Variants in CDK20 observed in about 807,000 individuals in gnomAD.
CDK20 encodes the protein cyclin-dependent kinase 20.
CDK20 carries 40 observed loss-of-function variants against 38.6 expected under a neutral mutation model. That is an observed-to-expected ratio of 1.04 (90% CI 0.81 to 1.35). The LOEUF is 1.35. Ranked by LOEUF, CDK20 falls within the 40% of genes most tolerant of loss-of-function variation. The pLI is 0.00. For synonymous variants in CDK20, 209 were observed against 185.7 expected (o/e 1.13, Z -1.02); for missense variants, 512 against 452.6 (o/e 1.13, Z -1.19).
In CDK20 at chr9:87,969,226, A is replaced by G. The variant is rs756406227; in HGVS notation, c.811T>C (p.Tyr271His). Residue 271 changes from tyrosine to histidine, a missense_variant, in exon 7 of 8, where the codon TAC becomes CAC. By Grantham distance (83) the Tyr-to-His change is moderately conservative. Transcript: ENST00000325303. ...GCTGCGATGCGCTGGTGAGGAGGGT[A>G]GAGAAGGAATTGACCCAGCAGATCC... ...ALDLLGQFLL[Y>H]PPHQRIAASK... The G allele has an allele frequency of 6.2e-7, 1 of 1,614,024 alleles. No individual in the cohort carries two copies. The highest frequency in any genetic ancestry group is 1.7e-4 in the Middle Eastern group (1 of 6,060).
rs1279856968 is a variant in CDK20 at position 87,969,250 on chromosome 9, C to G, written c.787G>C (p.Asp263His). 1.9e-6 allele frequency: 3 copies of G among 1,613,954 alleles called. No individual in the cohort carries two copies. The East Asian group carries it at 6.7e-5, about 36-fold the overall frequency. ...VLPDVSPQAL[D>H]LLGQFLLYPP... is the part of the protein sequence containing the mutation. ...TAGAGAAGGAATTGACCCAGCAGAT[C>G]CAATGCCTGGGGAGAGACGTCAGGC... The change falls in exon 7 of 8, where the codon GAT (aspartate) becomes CAT (histidine). Residue 263 changes from aspartate (D) to histidine (H), a missense_variant. Transcript: ENST00000325303.
At chr9:87,971,986 T>C (rs1025019247) in intron 2 of CDK20, among the ~76,000 whole-genome samples, 2 of 152,168 alleles carry the variant, frequency 1.3e-5, no homozygotes, top group African/African-American at 2.4e-5. Context: ...GGCGGATGGC[T>C]TGAACCCAGG....
rs1829774937 is a variant in CDK20 at position 87,970,588 on chromosome 9, A to G, written c.543T>C (p.Tyr181=). The G allele has an allele frequency of 6.2e-7, 1 of 1,614,140 alleles. No individual in the cohort carries two copies. The highest frequency in any genetic ancestry group is 8.5e-7 in the Non-Finnish European group (1 of 1,180,014). Residue 181 remains tyrosine, a synonymous_variant, in exon 5 of 8, where the codon TAT becomes TAC. Coordinates refer to ENST00000325303, the MANE Select transcript of CDK20 (RefSeq NM_001039803.3). ...APELLYGARQ[Y]DQGVDLWSVG... ...CTCACCACAGATCGACGCCCTGGTC[A>G]TACTGGCGGGCACCATACAGGAGCT...
intron 6 of CDK20, 136 bp from the exon 7 acceptor site, chr9:87,969,485 C>T (rs942216983): frequency 1.0e-6 from 1 of 954,048 alleles, no homozygotes; most frequent in South Asian, 1.6e-5. Context: ...CCTGACCCAT[C>T]ATTCATTCAC....
At position 87,971,223 on chromosome 9, in the gene CDK20, TG is replaced by T; in HGVS notation, c.301del (p.Gln101ArgfsTer28). On this transcript the variant is annotated frameshift_variant, in exon 3 of 8. Transcript: ENST00000325303. LOFTEE classifies it high-confidence loss of function. ...CTGCAGGTAGCTCTTGACCTGTGCC[TG>T]GGCTAGTGGCCTCTGGGCATGGCGC... ...VVRHAQRPLA[Q>X]AQVKSYLQML... The T allele has an allele frequency of 1.2e-6, 2 of 1,614,206 alleles. No individual in the cohort carries two copies. The highest frequency in any genetic ancestry group is 1.7e-6 in the Non-Finnish European group (2 of 1,180,046).
chr9:87,971,867 A>G (rs1340207911), intron 2 of CDK20, among the ~76,000 whole-genome samples: 1 of 152,204 alleles, frequency 6.6e-6, no homozygotes. Context: ...TAACAAATAA[A>G]TGAATAAAAG....
At chr9:87,970,488 C>A in intron 5 of CDK20, 80 bp downstream of exon 5, 7 of 1,347,022 alleles carry the variant, frequency 5.2e-6, no homozygotes, top group African/African-American at 1.5e-5. Context: ...GGGAAAAGAC[C>A]ACCAAACAGC....
chr9:87,968,270 G>A (rs1045605674), intron 7 of CDK20: 5 of 152,564 alleles, frequency 3.3e-5, no homozygotes, highest in African/African-American at 9.6e-5. Flanking sequence ...CTTGGATAAA[G>A]TTACTCTGTC....
rs2118360502 is a variant in CDK20 at position 87,973,998 on chromosome 9, C to T, written c.113G>A (p.Arg38Lys). Residue 38 changes from arginine to lysine, a missense_variant, in exon 2 of 8, where the codon AGG (arginine) becomes AAG (lysine). Transcript: ENST00000325303. ...EIVALKKVAL[R>K]RLEDGFPNQA... Reference sequence around the variant, plus strand: ...GTTAGGGAAGCCGTCCTCCAACCGCCTTAGGGCCACCTTCTTGAGGGCAAC... The same window carrying T: ...GTTAGGGAAGCCGTCCTCCAACCGCTTTAGGGCCACCTTCTTGAGGGCAAC... 1 of 1,614,180 alleles carries T rather than the reference C, an allele frequency of 6.2e-7. No homozygotes were observed. The highest frequency in any genetic ancestry group is 1.3e-5 in the African/African-American group (1 of 75,056).
chr9:87,971,833 TCA>T (rs1322933521), intron 2 of CDK20, among the ~76,000 whole-genome samples: 8 of 152,036 alleles, frequency 5.3e-5, no homozygotes, highest in African/African-American at 1.9e-4. Context: ...CTTAATGAAC[TCA>T]CAGCACAAAG....
At position 87,969,305 on chromosome 9, in the gene CDK20, C is replaced by G; in HGVS notation, c.732G>C (p.Glu244Asp). The change falls in exon 7 of 8, where the codon GAG becomes GAC. Residue 244 changes from glutamate (E) to aspartate (D), a missense_variant. Coordinates refer to ENST00000325303, the MANE Select transcript of CDK20 (RefSeq NM_001039803.3). The stretch of plus-strand genomic sequence containing the variant: ...CCTCCTCCAGGGGCATGGGCACCTG[C>G]TCCTTAAAGGAGATCTTGTTGTAGT... ...LPDYNKISFK[E>D]QVPMPLEEVL... 1 of 1,614,070 alleles carries G rather than the reference C, an allele frequency of 6.2e-7. No homozygotes were observed. Among genetic ancestry groups the G allele is most frequent in the Non-Finnish European group, 8.5e-7 (1 of 1,179,976 alleles).
Position 87,967,383 on chromosome 9 carries a change from GTGA to G in CDK20, c.*76_*78del. ...TGTGGCCATGGGGAGGCCTTGGAGG[GTGA>G]AGCCAGGCAGGTGGCAGAGGAACAG... On this transcript the variant is annotated 3_prime_UTR_variant, in exon 8 of 8. Transcript: ENST00000325303. The G allele has an allele frequency of 2.8e-6, 4 of 1,440,962 alleles. No individual in the cohort carries two copies. In the African/African-American group the frequency reaches 4.2e-5, roughly 15 times the overall value. 89.3% of individuals were successfully genotyped at this position (1,440,962 alleles called of 1,614,324 possible). A position where few individuals can be genotyped will look rare whatever the true frequency, so the allele number is the denominator to read the frequency against.
rs1435048886 is a variant in CDK20 at position 87,967,159 on chromosome 9, T to TGCC, written c.*302_*303insGGC. On this transcript the variant is annotated 3_prime_UTR_variant, in exon 8 of 8. Transcript: ENST00000325303. The stretch of plus-strand genomic sequence containing the variant: ...CCAAGGCAGGCATCGTCATTCTGCA[T>TGCC]ATGCAGGCCTTGACTGGCAGCAGAG... 4 of 637,088 alleles carry TGCC rather than the reference T, an allele frequency of 6.3e-6. No individual in the cohort carries two copies. The African/African-American group carries it at 7.1e-5, about 11-fold the overall frequency. 39.5% of individuals were successfully genotyped at this position (637,088 alleles called of 1,614,324 possible). A position where few individuals can be genotyped will look rare whatever the true frequency, so the allele number is the denominator to read the frequency against.
chr9:87,969,525 C>T, intron 6 of CDK20, 176 bp from the exon 7 acceptor site: 1 of 795,642 alleles, frequency 1.3e-6, no homozygotes, highest in Non-Finnish European at 2.0e-6. Context: ...TTCATCCATC[C>T]CCTTGCCCTC....
At chr9:87,970,253 C>T (rs545786714) in intron 5 of CDK20, 2 of 458,972 alleles carry the variant, frequency 4.4e-6, no homozygotes, top group South Asian at 4.9e-5. Context: ...GGACACAGGC[C>T]TCTGACCAGC....
rs546971086 is a variant in CDK20, at chr9:87,969,269, G to A, written c.768C>T (p.Asp256=). ...GCAGATCCAATGCCTGGGGAGAGAC[G>A]TCAGGCAGCACCTCCTCCAGGGGCA... The part of the protein sequence containing the change: ...VPMPLEEVLP[D]VSPQALDLLG... Residue 256 remains aspartate, a synonymous_variant, in exon 7 of 8, where the codon GAC becomes GAT. Transcript: ENST00000325303. The A allele has an allele frequency of 9.5e-5, 154 of 1,613,994 alleles. No individual in the cohort carries two copies. The South Asian group carries it at 1.5e-3, about 15-fold the overall frequency.
rs545718099 is a variant in CDK20 at position 87,967,882 on chromosome 9, T to G, written c.844-223A>C. On this transcript the variant is annotated intron_variant, in intron 7 of 7. Transcript: ENST00000325303. ...TGACATAAGTGAGGGTGGGGGGTAA[T>G]AAACAAGATGAAGTAAAATACACAG... The G allele has an allele frequency of 1.4e-5, 7 of 505,736 alleles. No individual in the cohort carries two copies. In the South Asian group the frequency reaches 2.5e-4, roughly 18 times the overall value. 31.3% of individuals were successfully genotyped at this position (505,736 alleles called of 1,614,324 possible).
At chr9:87,974,266 A>G (rs1184242051) in intron 1 of CDK20, 106 bp downstream of exon 1, 1 of 1,311,052 alleles carries the variant, frequency 7.6e-7, no homozygotes, top group East Asian at 2.4e-5. Context: ...AGTAGGTTTT[A>G]AAAACTGTAC....
At position 87,968,480 on chromosome 9, in the gene CDK20, C is replaced by T. The variant is rs1049375208; in HGVS notation, c.843+714G>A. ...GGAGGGGACAGGGACCCCTGAGAGACACCCTGACACCTGTCAGCCCATGCT... is the reference window on the plus strand; with the variant it reads ...GGAGGGGACAGGGACCCCTGAGAGATACCCTGACACCTGTCAGCCCATGCT... On this transcript the variant is annotated intron_variant, in intron 7 of 7. Coordinates refer to ENST00000325303, the MANE Select transcript of CDK20 (RefSeq NM_001039803.3). 2.0e-5 allele frequency: 3 copies of T among 152,422 alleles called. No individual in the cohort carries two copies. The East Asian group carries it at 5.8e-4, about 30-fold the overall frequency. 9.4% of individuals were successfully genotyped at this position (152,422 alleles called of 1,614,324 possible). A position where few individuals can be genotyped will look rare whatever the true frequency, so the allele number is the denominator to read the frequency against.
Sources: gnomAD v4.1 joint callset for allele counts (sites outside exome capture counted in the v4.1 genomes callset) on GRCh38, gnomAD v4.1.1 for gene constraint, MANE v1.5 for transcripts, NCBI Gene and HGNC (gene_info 2026-07-23, HGNC 2026-07-21) for gene names.